PLCB4: variants seen among roughly 807,000 people sequenced by gnomAD.
PLCB4 encodes phospholipase C beta 4.
A neutral mutation model predicts 178.8 loss-of-function variants in PLCB4; 77 were observed. That is an observed-to-expected ratio of 0.43 (90% CI 0.36 to 0.52). The LOEUF (loss-of-function observed/expected upper bound fraction) is 0.52. PLCB4 is among the 20% of genes least tolerant of loss of function. The pLI, the probability that PLCB4 is intolerant of heterozygous loss-of-function variation, is 0.00. For synonymous variants in PLCB4, 496 were observed against 490.8 expected, an observed-to-expected ratio of 1.01 and a Z score of -0.14; for missense variants, 1,024 against 1,453.4, an observed-to-expected ratio of 0.70 and a Z score of 4.80.
chr20:9,143,419 A>G (rs1052470954), intron 2 of PLCB4, among the ~76,000 whole-genome samples: 5 of 152,158 alleles, frequency 3.3e-5, no homozygotes, highest in African/African-American at 9.6e-5. Flanking sequence ...AATAATTTCT[A>G]TCTTTATATT....
chr20:9,454,390 G>A (rs924670857), intron 33 of PLCB4, among the ~76,000 whole-genome samples: 7 of 152,206 alleles, frequency 4.6e-5, no homozygotes, highest in South Asian at 4.1e-4. Context: ...ATGAGACCAC[G>A]CATACATTCT....
intron 2 of PLCB4, among the ~76,000 whole-genome samples, chr20:9,171,771 C>G (rs2093067656): frequency 6.6e-6 from 1 of 152,128 alleles, no homozygotes; most frequent in Admixed American, 6.6e-5. Flanking sequence ...AGCATATTAT[C>G]TGCATTTATT....
chr20:9,367,233 G>A (rs962578286), intron 9 of PLCB4, among the ~76,000 whole-genome samples: 1 of 152,208 alleles, frequency 6.6e-6, no homozygotes, highest in Non-Finnish European at 1.5e-5. Flanking sequence ...TCGAGAAAAT[G>A]TAAAGCACAG....
chr20:9,338,843 A>G (rs1261186935), intron 6 of PLCB4, 51 bp from the exon 7 acceptor site: 4 of 1,445,798 alleles, frequency 2.8e-6, no homozygotes, highest in Non-Finnish European at 3.8e-6. Context: ...TTCTTCCTCC[A>G]TGCTCTGTGA....
chr20:9,348,878 C>T (rs1305408504), intron 7 of PLCB4, among the ~76,000 whole-genome samples: 2 of 152,036 alleles, frequency 1.3e-5, no homozygotes, highest in Non-Finnish European at 2.9e-5. Context: ...CTCAAGCCTC[C>T]GCTTAGCTCC....
At chr20:9,273,747 C>T (rs1014735919) in intron 3 of PLCB4, among the ~76,000 whole-genome samples, 7 of 150,742 alleles carry the variant, frequency 4.6e-5, no homozygotes, top group East Asian at 2.0e-4. Context: ...TACAGATGCT[C>T]GAGCCAGAGT....
intron 35 of PLCB4, among the ~76,000 whole-genome samples, chr20:9,460,146 C>T (rs1037759641): frequency 1.3e-5 from 2 of 152,096 alleles, no homozygotes; most frequent in Non-Finnish European, 2.9e-5. Context: ...CAGGTGTTGG[C>T]AAGATACAAC....
rs886056989 is a variant in PLCB4, at chr20:9,480,470, A to G, written c.*1461A>G. On this transcript the variant is annotated 3_prime_UTR_variant, in exon 40 of 40. Coordinates refer to ENST00000378473, the MANE Select transcript of PLCB4 (RefSeq NM_001377142.1). ...AACTTCTCTAATAAAAAATTAAAAC[A>G]CGCATAACACTCGTCAAGAGTATTT... 9.2e-5 allele frequency: 14 copies of G among 152,602 alleles called. No individual in the cohort carries two copies. Among genetic ancestry groups the G allele is most frequent in the Non-Finnish European group, 1.8e-4 (12 of 68,030 alleles). The allele number at this position is 152,602 out of a possible 1,614,324, so 9.5% of individuals were successfully genotyped here. A position where few individuals can be genotyped will look rare whatever the true frequency, so the allele number is the denominator to read the frequency against.
At chr20:9,257,476 C>A (rs950763146) in intron 3 of PLCB4, among the ~76,000 whole-genome samples, 1 of 152,026 alleles carries the variant, frequency 6.6e-6, no homozygotes, top group Non-Finnish European at 1.5e-5. Context: ...TAAATCTTGA[C>A]CCTGAAATAA....
chr20:9,476,141 G>T (rs1400041206), intron 38 of PLCB4, among the ~76,000 whole-genome samples: 3 of 152,178 alleles, frequency 2.0e-5, no homozygotes, highest in Non-Finnish European at 4.4e-5. Context: ...GGCACTGGCA[G>T]AAACAAACCA....
intron 19 of PLCB4, among the ~76,000 whole-genome samples, chr20:9,400,417 A>G (rs571101973): frequency 6.6e-6 from 1 of 152,330 alleles, no homozygotes; most frequent in African/African-American, 2.4e-5. Flanking sequence ...GAATCAGTGA[A>G]ATCATTTTTC....
At chr20:9,417,238 A>T (rs1327138933) in intron 25 of PLCB4, among the ~76,000 whole-genome samples, 2 of 152,110 alleles carry the variant, frequency 1.3e-5, no homozygotes, top group Admixed American at 6.6e-5. Flanking sequence ...GTTTTTTGAC[A>T]CAAGTTTCAG....
intron 3 of PLCB4, among the ~76,000 whole-genome samples, chr20:9,289,787 T>C (rs547380388): frequency 6.6e-6 from 1 of 152,228 alleles, no homozygotes; most frequent in South Asian, 2.1e-4. Flanking sequence ...CTACCATATT[T>C]GAGGGATTCT....
intron 1 of PLCB4, among the ~76,000 whole-genome samples, chr20:9,081,206 G>A (rs558855855): frequency 1.3e-5 from 2 of 152,146 alleles, no homozygotes; most frequent in Non-Finnish European, 2.9e-5. Flanking sequence ...ATCTTTGCCC[G>A]TTGACTCCAT....
intron 2 of PLCB4, among the ~76,000 whole-genome samples, chr20:9,100,416 C>G (rs1298949330): frequency 6.6e-6 from 1 of 152,078 alleles, no homozygotes. Context: ...CTCTGTTGCC[C>G]AGGCTGGAGT....
intron 20 of PLCB4, among the ~76,000 whole-genome samples, chr20:9,403,449 T>C (rs1038767338): frequency 6.6e-6 from 1 of 151,938 alleles, no homozygotes; most frequent in African/African-American, 2.4e-5. Context: ...AGTGGTTGAC[T>C]GTAGAATATG....
intron 3 of PLCB4, among the ~76,000 whole-genome samples, chr20:9,224,173 G>T (rs2093834640): frequency 6.6e-6 from 1 of 152,142 alleles, no homozygotes. Context: ...ACTATTTTTG[G>T]GCAATATCAT....
chr20:9,306,879 A>G (rs2094774139), intron 3 of PLCB4, among the ~76,000 whole-genome samples: 1 of 152,172 alleles, frequency 6.6e-6, no homozygotes, highest in Non-Finnish European at 1.5e-5. Context: ...TGTCTATAAT[A>G]AAACTGTTGC....
At chr20:9,434,907 G>A (rs1321663483) in intron 28 of PLCB4, among the ~76,000 whole-genome samples, 1 of 152,080 alleles carries the variant, frequency 6.6e-6, no homozygotes, top group Non-Finnish European at 1.5e-5. Flanking sequence ...TATAGTATGA[G>A]TAAATTGTGC....
Sources: allele counts gnomAD v4.1 joint callset (sites outside exome capture counted in the v4.1 genomes callset), GRCh38; gene constraint gnomAD v4.1.1; transcripts MANE v1.5; gene names NCBI Gene and HGNC (gene_info 2026-07-23, HGNC 2026-07-21).